AR: variants seen among roughly 807,000 people sequenced by gnomAD.
AR encodes androgen receptor.
A neutral mutation model predicts 53.9 loss-of-function variants in AR; 8 were observed. The observed-to-expected ratio is 0.15, with a 90% CI of 0.09 to 0.27. The LOEUF (loss-of-function observed/expected upper bound fraction) is 0.27. Among genes scored for constraint, AR ranks in the 10% least tolerant of loss-of-function variants. AR has a pLI of 1.00. For missense variants in AR, 639 were observed against 742.5 expected (o/e 0.86, Z 1.62); for synonymous variants, 359 against 316.4 (o/e 1.13, Z -1.43).
At chrX:67,593,815 C>T (rs1922952417) in intron 1 of AR, among the ~76,000 whole-genome samples, 1 of 112,032 alleles carries the variant, frequency 8.9e-6, no homozygotes, top group African/African-American at 3.2e-5. Context: ...TAACATTGAA[C>T]ATGTTTTTGC....
chrX:67,570,382 A>G (rs1000818309), intron 1 of AR, among the ~76,000 whole-genome samples: 2 of 112,110 alleles, frequency 1.8e-5, no homozygotes, highest in African/African-American at 6.5e-5. Flanking sequence ...TTTACTTGCC[A>G]GCTGCTATGG....
At chrX:67,572,399 A>G (rs983090119) in intron 1 of AR, among the ~76,000 whole-genome samples, 3 of 111,762 alleles carry the variant, frequency 2.7e-5, no homozygotes, top group African/African-American at 9.7e-5. Flanking sequence ...TTTAAGTGGC[A>G]GCTGTTATGA....
At chrX:67,618,304 G>A (rs1305854258) in intron 1 of AR, among the ~76,000 whole-genome samples, 1 of 111,146 alleles carries the variant, frequency 9.0e-6, no homozygotes, top group Non-Finnish European at 1.9e-5. Flanking sequence ...AGTTTTTGAG[G>A]GGAAAAAAGA....
chrX:67,600,344 C>T (rs1338774629), intron 1 of AR, among the ~76,000 whole-genome samples: 1 of 110,767 alleles, frequency 9.0e-6, no homozygotes, highest in Non-Finnish European at 1.9e-5. Context: ...TATATACAAC[C>T]GAGTACTATT....
intron 2 of AR, among the ~76,000 whole-genome samples, chrX:67,676,383 C>G (rs991554041): frequency 5.3e-5 from 6 of 112,347 alleles, no homozygotes; most frequent in Non-Finnish European, 9.4e-5. Context: ...AAAAAATAGT[C>G]TGTTGCAGAG....
chrX:67,623,572 C>A (rs917952762), intron 1 of AR, among the ~76,000 whole-genome samples: 1 of 111,178 alleles, frequency 9.0e-6, no homozygotes, highest in Non-Finnish European at 1.9e-5. Flanking sequence ...AGAACCTAAC[C>A]TTCCACCTTA....
intron 2 of AR, among the ~76,000 whole-genome samples, chrX:67,680,114 CA>C (rs1383956245): frequency 7.2e-5 from 8 of 111,488 alleles, no homozygotes; most frequent in African/African-American, 2.3e-4. Context: ...TTTTCTTCTC[CA>C]AATGATTCAC....
At chrX:67,560,292 C>G (rs941560760) in intron 1 of AR, among the ~76,000 whole-genome samples, 5 of 111,502 alleles carry the variant, frequency 4.5e-5, no homozygotes, top group African/African-American at 1.3e-4. Flanking sequence ...TCCTTCTCCC[C>G]CCAGTTCAGA....
At chrX:67,686,877 G>A (rs1162418028) in intron 3 of AR, among the ~76,000 whole-genome samples, 2 of 110,633 alleles carry the variant, frequency 1.8e-5, no homozygotes, top group Non-Finnish European at 3.8e-5. Flanking sequence ...ATTCCAGAAA[G>A]GCTTGACATC....
At chrX:67,548,955 C>A (rs1929884607) in intron 1 of AR, among the ~76,000 whole-genome samples, 1 of 111,338 alleles carries the variant, frequency 9.0e-6, no homozygotes, top group African/African-American at 3.3e-5. Flanking sequence ...AACTGGTGTT[C>A]CTGTCTTGTG....
intron 2 of AR, among the ~76,000 whole-genome samples, chrX:67,665,295 T>C (rs1279021428): frequency 8.9e-6 from 1 of 112,814 alleles, no homozygotes; most frequent in Non-Finnish European, 1.9e-5. Context: ...CACCCACTGT[T>C]CTTTCTCATC....
At chrX:67,614,906 GA>G (rs1287848449) in intron 1 of AR, among the ~76,000 whole-genome samples, 5 of 110,065 alleles carry the variant, frequency 4.5e-5, no homozygotes, top group African/African-American at 1.3e-4. Flanking sequence ...TATAAAAAAA[GA>G]AAAAAATGGA....
chrX:67,716,848 T>G (rs2076115474), intron 4 of AR, among the ~76,000 whole-genome samples: 1 of 111,833 alleles, frequency 8.9e-6, no homozygotes, highest in Admixed American at 9.5e-5. Context: ...GAAATGATTG[T>G]TAAACTGCAT....
intron 1 of AR, 64 bp downstream of exon 1, chrX:67,546,826 G>T: frequency 2.7e-6 from 3 of 1,112,536 alleles, no homozygotes; most frequent in Non-Finnish European, 3.6e-6. Context: ...GTGTTCTGGG[G>T]TATCTAGCGG....
chrX:67,704,125 G>T (rs760518778), intron 3 of AR, among the ~76,000 whole-genome samples: 181 of 111,741 alleles, frequency 1.6e-3, no homozygotes, highest in African/African-American at 5.6e-3. Flanking sequence ...TGTACCTTTA[G>T]AGCAGCATGA....
chrX:67,694,551 C>A, intron 3 of AR: 1 of 1,021,978 alleles, frequency 9.8e-7, no homozygotes, highest in Non-Finnish European at 1.2e-6. Context: ...CGCCCACCTC[C>A]CCAACTTTAC....
rs1416210889 is a variant in AR at position 67,728,302 on chromosome X, C to T, written c.*4461C>T. 1.2e-5 allele frequency: 2 copies of T among 161,453 alleles called. No individual in the cohort carries two copies. Among genetic ancestry groups the T allele is most frequent in the Non-Finnish European group, 2.3e-5 (2 of 85,117 alleles). 13.3% of individuals were successfully genotyped at this position (161,453 alleles called of 1,213,427 possible). On this transcript the variant is annotated 3_prime_UTR_variant, in exon 8 of 8. Coordinates refer to ENST00000374690, the MANE Select transcript of AR (RefSeq NM_000044.6). The stretch of plus-strand genomic sequence containing the variant: ...TGGCTTTCCTTTTCTCTAGTAGTTG[C>T]TGAGCAAATTGTTGAAGCTCCATCA...
At chrX:67,721,548 C>T (rs1350320798) in intron 5 of AR, among the ~76,000 whole-genome samples, 1 of 111,513 alleles carries the variant, frequency 9.0e-6, no homozygotes, top group Non-Finnish European at 1.9e-5. Context: ...ACTCAGAAAA[C>T]AGAAGGGGCA....
intron 2 of AR, among the ~76,000 whole-genome samples, chrX:67,678,215 G>A (rs942640850): frequency 7.2e-5 from 8 of 111,484 alleles, no homozygotes; most frequent in African/African-American, 2.6e-4. Context: ...GAAAAAGAGT[G>A]GCCTGACAAG....
Sources: gnomAD v4.1 joint callset for allele counts (sites outside exome capture counted in the v4.1 genomes callset) on GRCh38, gnomAD v4.1.1 for gene constraint, MANE v1.5 for transcripts, NCBI Gene and HGNC (gene_info 2026-07-23, HGNC 2026-07-21) for gene names.